Variants in PCCA observed in about 807,000 individuals in gnomAD.
The protein encoded by PCCA is propionyl-CoA carboxylase alpha chain, mitochondrial.
PCCA carries 74 observed loss-of-function variants against 101.3 expected under a neutral mutation model. The observed-to-expected ratio is 0.73, with a 90% CI of 0.61 to 0.89. The LOEUF (loss-of-function observed/expected upper bound fraction) is 0.89. PCCA is among the 40% of genes least tolerant of loss of function. The pLI is 0.00. For missense variants in PCCA, 891 were observed against 907.0 expected, an observed-to-expected ratio of 0.98 and a Z score of 0.23; for synonymous variants, 294 against 313.6, an observed-to-expected ratio of 0.94 and a Z score of 0.66.
At chr13:100,268,269 A>G (rs768951404) in intron 10 of PCCA, among the ~76,000 whole-genome samples, 14 of 152,214 alleles carry the variant, frequency 9.2e-5, no homozygotes, top group Non-Finnish European at 1.9e-4. Context: ...GTGGAAATGC[A>G]TACAATGTCA....
At chr13:100,093,797 G>T (rs1462051363) in intron 1 of PCCA, among the ~76,000 whole-genome samples, 1 of 152,094 alleles carries the variant, frequency 6.6e-6, no homozygotes, top group Non-Finnish European at 1.5e-5. Context: ...AAATTAGCTG[G>T]GTGTGGTGGC....
At chr13:100,330,306 A>G (rs1180872141) in intron 16 of PCCA, among the ~76,000 whole-genome samples, 1 of 152,234 alleles carries the variant, frequency 6.6e-6, no homozygotes, top group Non-Finnish European at 1.5e-5. Flanking sequence ...GCCCAAAACC[A>G]CAATTACTTT....
At position 100,098,303 on chromosome 13, in the gene PCCA, C is replaced by T. The variant is rs74526083; in HGVS notation, c.106-4580C>T. ...ATTTGAATATGTAAATGTAAAAATT[C>T]ACTAATGAGGTCTTTTACATTTTCT... On this transcript the variant is annotated intron_variant, in intron 1 of 23. Transcript: ENST00000376285. 7.3e-3 allele frequency among the ~76,000 whole-genome samples: 1,112 copies of T among 152,184 alleles called. 14 individuals carry two copies. The highest frequency in any genetic ancestry group is 0.026 in the African/African-American group (1,061 of 41,484).
chr13:100,225,543 A>G (rs1027700267), intron 7 of PCCA, among the ~76,000 whole-genome samples: 1 of 152,188 alleles, frequency 6.6e-6, no homozygotes, highest in Non-Finnish European at 1.5e-5. Flanking sequence ...GCAAATAACT[A>G]AGAAAGCTAG....
At chr13:100,470,036 C>T (rs922027940) in intron 21 of PCCA, among the ~76,000 whole-genome samples, 19 of 152,126 alleles carry the variant, frequency 1.2e-4, no homozygotes, top group South Asian at 4.1e-4. Flanking sequence ...ACAGTGGTTG[C>T]GGAGCACCTG....
intron 19 of PCCA, among the ~76,000 whole-genome samples, chr13:100,377,251 G>A (rs2075974666): frequency 6.6e-6 from 1 of 152,138 alleles, no homozygotes; most frequent in Admixed American, 6.5e-5. Flanking sequence ...AGCTGTTCCT[G>A]TTTGGCCATC....
intron 5 of PCCA, among the ~76,000 whole-genome samples, chr13:100,155,414 G>A (rs890315976): frequency 2.0e-5 from 3 of 152,142 alleles, no homozygotes; most frequent in African/African-American, 4.8e-5. Context: ...TGTAATAAGA[G>A]CATTTTAAAA....
chr13:100,181,008 A>G (rs2056741111), intron 6 of PCCA, among the ~76,000 whole-genome samples: 1 of 152,202 alleles, frequency 6.6e-6, no homozygotes, highest in African/African-American at 2.4e-5. Flanking sequence ...CTTAAGAGAA[A>G]GACATTGGAA....
Position 100,235,241 on chromosome 13 carries a change from G to A in PCCA, c.601-601G>A, listed in dbSNP as rs552367793. On this transcript the variant is annotated intron_variant, in intron 7 of 23. Transcript: ENST00000376285. ...AAATTAAAGTTTTTTTTTAATTTAT[G>A]TAACAAGATACAATTGTAGAGATAA... is the stretch of plus-strand genomic sequence containing the variant. 1.7e-4 allele frequency among the ~76,000 whole-genome samples: 24 copies of A among 140,282 alleles called. No individual in the cohort carries two copies. In the East Asian group the frequency reaches 3.9e-3, roughly 23 times the overall value. The allele number at this position is 140,282 out of a possible 152,430, so 92.0% of individuals were successfully genotyped here.
intron 6 of PCCA, among the ~76,000 whole-genome samples, chr13:100,183,388 C>A (rs917358260): frequency 6.6e-6 from 1 of 152,086 alleles, no homozygotes; most frequent in African/African-American, 2.4e-5. Context: ...GTGGCAGATT[C>A]TGGTAAATAT....
intron 21 of PCCA, among the ~76,000 whole-genome samples, chr13:100,509,196 A>G (rs112674216): frequency 6.6e-6 from 1 of 152,188 alleles, no homozygotes; most frequent in Non-Finnish European, 1.5e-5. Flanking sequence ...CAGTAGACGG[A>G]TATGTTAACT....
chr13:100,383,574 C>T (rs1302081599), intron 19 of PCCA, among the ~76,000 whole-genome samples: 2 of 151,812 alleles, frequency 1.3e-5, no homozygotes, highest in Admixed American at 6.6e-5. Flanking sequence ...TGCACCACTG[C>T]ACTCTAGCCT....
chr13:100,438,200 G>C (rs1279489672), intron 20 of PCCA, among the ~76,000 whole-genome samples: 1 of 151,608 alleles, frequency 6.6e-6, no homozygotes. Context: ...CTGTTGCCCA[G>C]GCTAGAGTGC....
At chr13:100,373,655 GT>G (rs2075719405) in intron 19 of PCCA, among the ~76,000 whole-genome samples, 1 of 152,198 alleles carries the variant, frequency 6.6e-6, no homozygotes, top group African/African-American at 2.4e-5. Context: ...AAGATGAAAG[GT>G]TTTCTGGAGG....
intron 12 of PCCA, among the ~76,000 whole-genome samples, chr13:100,274,447 C>G (rs564807258): frequency 1.3e-5 from 2 of 152,108 alleles, no homozygotes; most frequent in Non-Finnish European, 2.9e-5. Flanking sequence ...ACTACCATAA[C>G]AAATGATCAT....
chr13:100,257,506 C>A (rs1709980496), intron 8 of PCCA, 89 bp from the exon 9 acceptor site: 1 of 894,592 alleles, frequency 1.1e-6, no homozygotes, highest in Admixed American at 2.0e-5. Flanking sequence ...TTATTGTTTT[C>A]TGCGTTATTG....
chr13:100,162,516 G>A (rs972742677), intron 6 of PCCA, among the ~76,000 whole-genome samples: 1 of 152,186 alleles, frequency 6.6e-6, no homozygotes, highest in Non-Finnish European at 1.5e-5. Context: ...GATAGCTTTA[G>A]CTGGCATCTG....
intron 4 of PCCA, among the ~76,000 whole-genome samples, chr13:100,143,555 A>T (rs541439098): frequency 1.3e-4 from 19 of 151,700 alleles, no homozygotes; most frequent in African/African-American, 3.6e-4. Flanking sequence ...AAAAAATAAA[A>T]AAAAAAAATA....
intron 6 of PCCA, among the ~76,000 whole-genome samples, chr13:100,168,379 C>T (rs2055270404): frequency 6.6e-6 from 1 of 152,082 alleles, no homozygotes; most frequent in African/African-American, 2.4e-5. Context: ...CTATGGGTAC[C>T]AGAGAGCAGC....
Sources: allele counts gnomAD v4.1 joint callset (sites outside exome capture counted in the v4.1 genomes callset), GRCh38; gene constraint gnomAD v4.1.1; transcripts MANE v1.5; gene names NCBI Gene and HGNC (gene_info 2026-07-23, HGNC 2026-07-21).